APCDD1L: variants seen among roughly 807,000 people sequenced by gnomAD.
APCDD1L encodes the protein APC down-regulated 1 like, also known as protein APCDD1-like.
In APCDD1L, 21 loss-of-function variants were observed where a neutral mutation model predicts 24.2. The observed-to-expected ratio is 0.87, with a 90% confidence interval of 0.61 to 1.25. The LOEUF (loss-of-function observed/expected upper bound fraction) is 1.25. Among genes scored for constraint, APCDD1L ranks in the 50% most tolerant of loss-of-function variants. The pLI is 0.00. For missense variants in APCDD1L, 704 were observed against 711.7 expected, an observed-to-expected ratio of 0.99 and a Z score of 0.12; for synonymous variants, 321 against 323.6, an observed-to-expected ratio of 0.99 and a Z score of 0.09.
At chr20:58,466,963 C>A (rs1467859021) in intron 3 of APCDD1L, 143 bp downstream of exon 3, 2 of 1,051,614 alleles carry the variant, frequency 1.9e-6, no homozygotes, top group Admixed American at 3.0e-5. Context: ...GCACGCGGAC[C>A]AGAGTGGGGA....
chr20:58,500,564 C>T (rs1178228662), intron 1 of APCDD1L, among the ~76,000 whole-genome samples: 1 of 152,194 alleles, frequency 6.6e-6, no homozygotes, highest in Admixed American at 6.5e-5. Flanking sequence ...TTGCCATATT[C>T]TCTCATTTAA....
rs775792909 is a variant in APCDD1L at position 58,467,702 on chromosome 20, G to A, written c.189-44C>T. On this transcript the variant is annotated intron_variant, in intron 2 of 3. Transcript: ENST00000371149. The surrounding 1 kb of genome is among the most constrained non-coding windows in gnomAD (Gnocchi z 5.9). ...ATGGGCTGGGTGCAGAGGGAACACC[G>A]CGCCGCGAGCCCCTCTCCCCTCTGG... 7 of 1,408,212 alleles carry A rather than the reference G, an allele frequency of 5.0e-6. No homozygotes were observed. Among genetic ancestry groups the A allele is most frequent in the South Asian group, 1.7e-5 (1 of 60,228 alleles). 87.2% of individuals were successfully genotyped at this position (1,408,212 alleles called of 1,614,324 possible).
At chr20:58,465,075 C>T (rs557081400) in intron 3 of APCDD1L, among the ~76,000 whole-genome samples, 1 of 152,254 alleles carries the variant, frequency 6.6e-6, no homozygotes, top group African/African-American at 2.4e-5. Context: ...AAATTGCCAG[C>T]CCCCACAGCC....
chr20:58,471,005 T>A (rs1465239664), intron 1 of APCDD1L, among the ~76,000 whole-genome samples: 1 of 152,204 alleles, frequency 6.6e-6, no homozygotes, highest in Non-Finnish European at 1.5e-5. Context: ...GCCTCCTAGA[T>A]GGAGCCTGTC....
intron 1 of APCDD1L, among the ~76,000 whole-genome samples, chr20:58,481,284 A>C (rs950924713): frequency 5.9e-5 from 9 of 152,226 alleles, no homozygotes; most frequent in Non-Finnish European, 1.2e-4. Context: ...TGAAGCTTTT[A>C]TTGTTCTATA....
At position 58,459,781 on chromosome 20, in the gene APCDD1L, C is replaced by T. The variant is rs887389023; in HGVS notation, c.*1009G>A. 2 of 152,676 alleles carry T rather than the reference C, an allele frequency of 1.3e-5. No homozygotes were observed. Among genetic ancestry groups the T allele is most frequent in the Non-Finnish European group, 2.9e-5 (2 of 68,038 alleles). The allele number at this position is 152,676 out of a possible 1,614,324, so 9.5% of individuals were successfully genotyped here. A position where few individuals can be genotyped will look rare whatever the true frequency, so the allele number is the denominator to read the frequency against. On this transcript the variant is annotated 3_prime_UTR_variant, in exon 4 of 4. Transcript: ENST00000371149. ...GTAGCCTGGTGACCCCGACCTCTCC[C>T]TAGGGTGGGCCCAAAGATACACATT...
At chr20:58,484,374 G>A (rs1400935582) in intron 1 of APCDD1L, among the ~76,000 whole-genome samples, 1 of 152,200 alleles carries the variant, frequency 6.6e-6, no homozygotes, top group Non-Finnish European at 1.5e-5. Flanking sequence ...GCACAGCACA[G>A]GGACTCTGGT....
At chr20:58,481,577 G>C (rs1406411437) in intron 1 of APCDD1L, among the ~76,000 whole-genome samples, 1 of 152,218 alleles carries the variant, frequency 6.6e-6, no homozygotes, top group African/African-American at 2.4e-5. Context: ...CCTTGGATCT[G>C]AGACCTGCCC....
rs150280206 is a variant in APCDD1L at position 58,483,310 on chromosome 20, T to C, written c.50-12563A>G. On this transcript the variant is annotated intron_variant, in intron 1 of 3. Coordinates refer to ENST00000371149, the MANE Select transcript of APCDD1L (RefSeq NM_153360.3). ...AGGCCTTGCTGCTGCTTCTTGGGGC[T>C]GGAATGTTCTCCAGGAGGTGGGCAG... 7.0e-3 allele frequency among the ~76,000 whole-genome samples: 1,064 copies of C among 152,118 alleles called. 6 individuals are homozygous for C. Among genetic ancestry groups the C allele is most frequent in the Non-Finnish European group, 0.012 (788 of 67,960 alleles).
At chr20:58,501,349 A>G (rs1990434206) in intron 1 of APCDD1L, among the ~76,000 whole-genome samples, 1 of 152,238 alleles carries the variant, frequency 6.6e-6, no homozygotes, top group Admixed American at 6.5e-5. Context: ...TGAGGCCATT[A>G]GAGTGGGCCC....
At chr20:58,492,846 G>A (rs1418791838) in intron 1 of APCDD1L, among the ~76,000 whole-genome samples, 3 of 140,922 alleles carry the variant, frequency 2.1e-5, no homozygotes, top group Admixed American at 7.1e-5. Flanking sequence ...ATGCAAGCAC[G>A]CATACATGCA....
intron 1 of APCDD1L, among the ~76,000 whole-genome samples, chr20:58,472,712 G>A (rs768967698): frequency 7.9e-5 from 12 of 152,220 alleles, no homozygotes; most frequent in African/African-American, 1.7e-4. Context: ...TCCCCACACC[G>A]ACTCATCAGC....
intron 1 of APCDD1L, among the ~76,000 whole-genome samples, chr20:58,502,199 T>C (rs1990448879): frequency 6.6e-6 from 1 of 152,140 alleles, no homozygotes. Context: ...CTCCAGGGTT[T>C]GAGTGATTCT....
chr20:58,496,192 G>C (rs1249936155), intron 1 of APCDD1L, among the ~76,000 whole-genome samples: 1 of 152,224 alleles, frequency 6.6e-6, no homozygotes, highest in African/African-American at 2.4e-5. Context: ...GCCCAGCCTG[G>C]GTCAGCTGTG....
intron 1 of APCDD1L, among the ~76,000 whole-genome samples, chr20:58,477,779 C>T (rs2123150740): frequency 1.3e-5 from 2 of 152,252 alleles, no homozygotes; most frequent in Non-Finnish European, 2.9e-5. Context: ...TTCCATCACT[C>T]TTTCTGAGTT....
chr20:58,470,812 T>C, intron 1 of APCDD1L, 65 bp from the exon 2 acceptor site: 1 of 1,476,802 alleles, frequency 6.8e-7, no homozygotes, highest in Non-Finnish European at 9.0e-7. Context: ...CCATCTGCCC[T>C]CCCAACCCCA....
chr20:58,466,907 A>G (rs939889233), intron 3 of APCDD1L, among the ~76,000 whole-genome samples, 199 bp downstream of exon 3: 4 of 152,298 alleles, frequency 2.6e-5, no homozygotes, highest in Middle Eastern at 3.4e-3. Context: ...AAAGGCTGAA[A>G]AAAGATGTCT....
rs1990570167 is a variant in APCDD1L at position 58,508,770 on chromosome 20, G to A, written c.49+5889C>T. Among the ~76,000 whole-genome samples, 1 of 152,220 alleles carries A rather than the reference G, an allele frequency of 6.6e-6. No individual in the cohort carries two copies. Among genetic ancestry groups the A allele is most frequent in the Admixed American group, 6.5e-5 (1 of 15,292 alleles). On this transcript the variant is annotated intron_variant, in intron 1 of 3. Coordinates refer to ENST00000371149, the MANE Select transcript of APCDD1L (RefSeq NM_153360.3). The surrounding 1 kb of genome is among the most constrained non-coding windows in gnomAD (Gnocchi z 4.0). ...AAGAACTGTCGATAAAACAGGCCAG[G>A]CCTTCTTCTTGTGCAGCCTACTTTG...
At chr20:58,464,425 T>C (rs1989671211) in intron 3 of APCDD1L, among the ~76,000 whole-genome samples, 1 of 152,160 alleles carries the variant, frequency 6.6e-6, no homozygotes, top group South Asian at 2.1e-4. Flanking sequence ...TGAAACAAGG[T>C]TCCCGGCTCC....
Sources: gnomAD v4.1 joint callset for allele counts (sites outside exome capture counted in the v4.1 genomes callset) on GRCh38, gnomAD v4.1.1 for gene constraint, Gnocchi (gnomAD v3.1) non-coding constraint, MANE v1.5 for transcripts, NCBI Gene and HGNC (gene_info 2026-07-23, HGNC 2026-07-21) for gene names.